The following STYXL1 variants were observed in gnomAD, a reference collection of about 807,000 sequenced individuals.
STYXL1 encodes the protein serine/threonine/tyrosine-interacting-like protein 1.
A neutral mutation model predicts 36.4 loss-of-function variants in STYXL1; 32 were observed. That is an observed-to-expected ratio of 0.88 (90% CI 0.66 to 1.18). The LOEUF (loss-of-function observed/expected upper bound fraction) is 1.18. Ranked by LOEUF, STYXL1 falls within the 50% of genes most tolerant of loss-of-function variation. The pLI is 0.00. For missense variants in STYXL1, 354 were observed against 394.1 expected, an observed-to-expected ratio of 0.90 and a Z score of 0.86; for synonymous variants, 133 against 144.1, an observed-to-expected ratio of 0.92 and a Z score of 0.55.
chr7:76,036,253 A>G (rs1361944045), intron 1 of STYXL1, among the ~76,000 whole-genome samples: 3 of 149,760 alleles, frequency 2.0e-5, no homozygotes, highest in African/African-American at 7.3e-5. Context: ...GGTGCCCACC[A>G]CCACGTCCAG....
intron 6 of STYXL1, 90 bp from the exon 7 acceptor site, chr7:76,003,945 G>A (rs1297721856): frequency 6.0e-6 from 7 of 1,160,566 alleles, no homozygotes; most frequent in Non-Finnish European, 8.9e-6. Context: ...AAGGGCCACA[G>A]GGAGGACGCT....
At chr7:76,039,632 A>T (rs79055942) in intron 1 of STYXL1, among the ~76,000 whole-genome samples, 2,279 of 152,052 alleles carry the variant, frequency 0.015, 80 homozygotes, top group East Asian at 0.15. Flanking sequence ...CTTTGCCTTG[A>T]TCATCACTAG....
intron 4 of STYXL1, among the ~76,000 whole-genome samples, chr7:76,015,777 T>A (rs971811231): frequency 2.0e-5 from 3 of 152,150 alleles, no homozygotes; most frequent in Non-Finnish European, 4.4e-5. Flanking sequence ...CAAAGGAGAT[T>A]AACATTTGAG....
At chr7:76,038,717 T>C (rs1554581376) in intron 1 of STYXL1, among the ~76,000 whole-genome samples, 1 of 137,602 alleles carries the variant, frequency 7.3e-6, no homozygotes, top group African/African-American at 3.5e-5. Flanking sequence ...TGAGCCACCG[T>C]TGAATGACAT....
intron 1 of STYXL1, among the ~76,000 whole-genome samples, chr7:76,033,422 A>C (rs1554579958): frequency 6.6e-6 from 1 of 152,148 alleles, no homozygotes. Context: ...CTGGCATGAC[A>C]GGTGTGAGCC....
intron 1 of STYXL1, among the ~76,000 whole-genome samples, chr7:76,035,509 T>TACCATTATGGCCTTTCCCAACACC (rs1795826481): frequency 6.7e-6 from 1 of 149,768 alleles, no homozygotes; most frequent in African/African-American, 2.4e-5. Flanking sequence ...TATTGTCAGT[T>TACCATTATGGCCTTTCCCAACACC]ACCATTATGG....
At chr7:76,028,138 G>A (rs896095392) in intron 3 of STYXL1, among the ~76,000 whole-genome samples, 4 of 152,214 alleles carry the variant, frequency 2.6e-5, no homozygotes, top group African/African-American at 4.8e-5. Flanking sequence ...AGGTCCAAGC[G>A]ATTCTCATGT....
At chr7:76,026,436 C>T (rs1250568195) in intron 3 of STYXL1, among the ~76,000 whole-genome samples, 2 of 151,792 alleles carry the variant, frequency 1.3e-5, no homozygotes, top group African/African-American at 4.8e-5. Flanking sequence ...TGCCCCACCA[C>T]ACTGAGTTAA....
At chr7:76,006,763 CAAAAAA>C (rs67192620) in intron 5 of STYXL1, among the ~76,000 whole-genome samples, 70 of 130,036 alleles carry the variant, frequency 5.4e-4, no homozygotes, top group African/African-American at 1.6e-3. Flanking sequence ...GACTCCGTCT[CAAAAAA>C]AAAAAAAAAA....
chr7:76,017,363 A>T (rs1793502340), intron 4 of STYXL1, among the ~76,000 whole-genome samples: 1 of 152,146 alleles, frequency 6.6e-6, no homozygotes. Flanking sequence ...TATACCACAG[A>T]ATACTACACA....
intron 4 of STYXL1, among the ~76,000 whole-genome samples, chr7:76,016,544 ACT>A (rs368163188): frequency 6.6e-6 from 1 of 151,994 alleles, no homozygotes; most frequent in African/African-American, 2.4e-5. Flanking sequence ...CCTCTAGAGA[ACT>A]CTAATACACA....
intron 4 of STYXL1, among the ~76,000 whole-genome samples, chr7:76,017,214 G>A (rs545719018): frequency 7.9e-5 from 12 of 151,926 alleles, no homozygotes; most frequent in Admixed American, 3.9e-4. Context: ...GTAGAGACGG[G>A]GTTTCACTAT....
chr7:76,001,499 T>G (rs1186064071), intron 7 of STYXL1, among the ~76,000 whole-genome samples: 1 of 152,122 alleles, frequency 6.6e-6, no homozygotes, highest in Non-Finnish European at 1.5e-5. Context: ...CTCCTTTCCT[T>G]CTTTCTTTGT....
chr7:76,032,956 C>T (rs1001058500), intron 1 of STYXL1, among the ~76,000 whole-genome samples: 1 of 152,048 alleles, frequency 6.6e-6, no homozygotes, highest in Admixed American at 6.6e-5. Flanking sequence ...CCTTTGATGA[C>T]ACTGCAGAGG....
At chr7:76,038,526 C>T (rs1225936597) in intron 1 of STYXL1, among the ~76,000 whole-genome samples, 4 of 148,508 alleles carry the variant, frequency 2.7e-5, no homozygotes, top group Admixed American at 6.7e-5. Flanking sequence ...CCTGGGTTCC[C>T]GCCATTCTCC....
intron 7 of STYXL1, among the ~76,000 whole-genome samples, chr7:76,002,280 C>T (rs1222954031): frequency 3.3e-5 from 5 of 152,300 alleles, no homozygotes; most frequent in Admixed American, 1.3e-4. Flanking sequence ...CAGCTCTAAT[C>T]ACAGCACCCC....
intron 5 of STYXL1, among the ~76,000 whole-genome samples, chr7:76,012,165 T>C (rs1792636090): frequency 6.6e-6 from 1 of 151,952 alleles, no homozygotes; most frequent in Non-Finnish European, 1.5e-5. Context: ...GAGATGGGGG[T>C]CTCACTATAC....
Position 76,047,810 on chromosome 7 carries a change from A to G in STYXL1, c.-153T>C, listed in dbSNP as rs1376271702. 2 of 869,338 alleles carry G rather than the reference A, an allele frequency of 2.3e-6. No homozygotes were observed. Among genetic ancestry groups the G allele is most frequent in the Admixed American group, 8.6e-5 (2 of 23,310 alleles). 53.9% of individuals were successfully genotyped at this position (869,338 alleles called of 1,614,324 possible). A position where few individuals can be genotyped will look rare whatever the true frequency, so the allele number is the denominator to read the frequency against. ...TGTCGGAGCCTCTGCCTGGGGCCCC[A>G]CCTGGAAAAATGGCTCCTCTAAGGC... On this transcript the variant is annotated 5_prime_UTR_variant, in exon 1 of 9. Transcript: ENST00000359697.
intron 3 of STYXL1, among the ~76,000 whole-genome samples, chr7:76,026,222 A>C: frequency 7.3e-6 from 1 of 137,372 alleles, no homozygotes; most frequent in African/African-American, 2.7e-5. Flanking sequence ...AAAAAAAAAA[A>C]AAAAAAAGCA....
Sources: allele counts gnomAD v4.1 joint callset (sites outside exome capture counted in the v4.1 genomes callset), GRCh38; gene constraint gnomAD v4.1.1; transcripts MANE v1.5; gene names NCBI Gene and HGNC (gene_info 2026-07-23, HGNC 2026-07-21).